The following GSAP variants were observed in gnomAD, a reference collection of about 807,000 sequenced individuals.
GSAP encodes gamma-secretase activating protein, also known as gamma-secretase-activating protein.
In GSAP, 118 loss-of-function variants were observed where a neutral mutation model predicts 131.7. That is an observed-to-expected ratio of 0.90 (90% CI 0.77 to 1.04). The LOEUF (loss-of-function observed/expected upper bound fraction) is 1.04. Among genes scored for constraint, GSAP ranks in the 50% least tolerant of loss-of-function variants. GSAP has a pLI of 0.00. For missense variants in GSAP, 1,019 were observed against 1,013.2 expected (o/e 1.01, Z -0.08); for synonymous variants, 381 against 363.4 (o/e 1.05, Z -0.55).
chr7:77,395,911 G>T (rs1485867036), intron 5 of GSAP, among the ~76,000 whole-genome samples: 1 of 152,238 alleles, frequency 6.6e-6, no homozygotes, highest in Non-Finnish European at 1.5e-5. Flanking sequence ...AATAGTAAGA[G>T]ATTGATAGGA....
At chr7:77,380,627 G>A (rs552946717) in intron 8 of GSAP, among the ~76,000 whole-genome samples, 103 of 152,038 alleles carry the variant, frequency 6.8e-4, no homozygotes, top group African/African-American at 2.3e-3. Flanking sequence ...TAAACCCCTG[G>A]GTGGGTAAGA....
intron 6 of GSAP, among the ~76,000 whole-genome samples, chr7:77,383,544 C>T (rs1180967866): frequency 6.6e-6 from 1 of 152,146 alleles, no homozygotes; most frequent in Non-Finnish European, 1.5e-5. Flanking sequence ...ACGACTGTCA[C>T]CAGGAAGAAA....
chr7:77,383,722 A>C (rs529890037), intron 6 of GSAP, among the ~76,000 whole-genome samples: 1 of 152,286 alleles, frequency 6.6e-6, no homozygotes, highest in East Asian at 1.9e-4. Flanking sequence ...GGCAATTGTA[A>C]ACCAGCCATT....
chr7:77,345,544 G>T (rs963785407), intron 19 of GSAP, among the ~76,000 whole-genome samples: 1 of 152,178 alleles, frequency 6.6e-6, no homozygotes, highest in African/African-American at 2.4e-5. Flanking sequence ...AATCACAAAA[G>T]AAGTGAAAAT....
At chr7:77,372,291 T>C (rs1258406606) in intron 12 of GSAP, among the ~76,000 whole-genome samples, 1 of 152,226 alleles carries the variant, frequency 6.6e-6, no homozygotes, top group African/African-American at 2.4e-5. Context: ...TTGTTGCACA[T>C]GTTAATGCAA....
At chr7:77,416,455 C>G (rs1038174760), upstream of GSAP, 4 of 492,870 alleles carry the variant, frequency 8.1e-6, no homozygotes, top group Non-Finnish European at 1.4e-5. Flanking sequence ...GCTTTCGGTT[C>G]TGCAGCGCCC....
At chr7:77,413,790 G>C (rs780876589) in intron 1 of GSAP, among the ~76,000 whole-genome samples, 3 of 151,950 alleles carry the variant, frequency 2.0e-5, no homozygotes, top group Admixed American at 6.6e-5. Context: ...GCACATAAGA[G>C]ACTTCAAGAG....
At chr7:77,312,482 G>C (rs1340453327) in intron 28 of GSAP, among the ~76,000 whole-genome samples, 1 of 152,178 alleles carries the variant, frequency 6.6e-6, no homozygotes, top group African/African-American at 2.4e-5. Context: ...TTCAAAACCA[G>C]AGATGGGCAT....
intron 14 of GSAP, 140 bp from the exon 15 acceptor site, chr7:77,355,787 G>GTTTTGTTTT: frequency 3.6e-6 from 1 of 274,572 alleles, no homozygotes; most frequent in South Asian, 3.8e-5. Flanking sequence ...ATGACAGCCC[G>GTTTTGTTTT]TTTTTTTTTT....
At chr7:77,317,375 C>A in intron 26 of GSAP, among the ~76,000 whole-genome samples, 1 of 65,488 alleles carries the variant, frequency 1.5e-5, no homozygotes, top group East Asian at 9.3e-4. Context: ...TGGGGCCTGT[C>A]GTGGGGTTGG....
chr7:77,413,542 AT>A (rs1186209691), intron 1 of GSAP, among the ~76,000 whole-genome samples: 3 of 152,224 alleles, frequency 2.0e-5, no homozygotes, highest in Non-Finnish European at 4.4e-5. Flanking sequence ...ATTAATACAA[AT>A]TAATAACCTG....
chr7:77,374,107 G>C lies in GSAP; in HGVS notation c.834C>G (p.Ser278=). 6.3e-7 allele frequency: 1 copy of C among 1,592,632 alleles called. No individual in the cohort carries two copies. The highest frequency in any genetic ancestry group is 8.6e-7 in the Non-Finnish European group (1 of 1,163,770). ...CDYHQYRDKF[S]KHLTLCVFTN... The stretch of plus-strand genomic sequence containing the variant: ...TAAAAACACACAGAGTCAGGTGTTT[G>C]GAAAATTTATCTCGGTATTGATGAT... Residue 278 remains serine, a synonymous_variant, in exon 12 of 31, where the codon TCC becomes TCG. Coordinates refer to ENST00000257626, the MANE Select transcript of GSAP (RefSeq NM_017439.4).
chr7:77,368,828 G>C (rs892927593), intron 12 of GSAP, among the ~76,000 whole-genome samples: 3 of 152,206 alleles, frequency 2.0e-5, no homozygotes, highest in Admixed American at 2.0e-4. Flanking sequence ...TAGTTGCAAA[G>C]AAGTTATATC....
intron 26 of GSAP, among the ~76,000 whole-genome samples, chr7:77,316,598 A>T (rs2150593336): frequency 6.6e-6 from 1 of 152,368 alleles, no homozygotes; most frequent in East Asian, 1.9e-4. Context: ...AAAAAGTTAC[A>T]AAATTATTTC....
chr7:77,333,054 C>T (rs1033993655), intron 19 of GSAP, among the ~76,000 whole-genome samples: 1 of 152,110 alleles, frequency 6.6e-6, no homozygotes, highest in African/African-American at 2.4e-5. Context: ...GTAGTCCCAG[C>T]TACTTGGGAG....
At chr7:77,378,475 G>C (rs573438679) in intron 8 of GSAP, among the ~76,000 whole-genome samples, 3 of 150,546 alleles carry the variant, frequency 2.0e-5, no homozygotes, top group Non-Finnish European at 4.4e-5. Context: ...CAGAGCAAGA[G>C]TCCATCTCAA....
At chr7:77,404,266 A>G (rs1801873278) in intron 3 of GSAP, among the ~76,000 whole-genome samples, 1 of 152,214 alleles carries the variant, frequency 6.6e-6, no homozygotes, top group Non-Finnish European at 1.5e-5. Context: ...CTGCTTTCCC[A>G]CACCGATGAG....
At chr7:77,330,515 C>A in intron 19 of GSAP, 148 bp from the exon 20 acceptor site, 1 of 1,263,416 alleles carries the variant, frequency 7.9e-7, no homozygotes, top group Non-Finnish European at 1.0e-6. Flanking sequence ...ATTCTAGACC[C>A]AATAGGGATT....
intron 18 of GSAP, chr7:77,351,119 A>T: frequency 1.0e-6 from 1 of 977,772 alleles, no homozygotes; most frequent in African/African-American, 1.7e-5. Flanking sequence ...ATGGGGACAG[A>T]GAAATAAGTT....
Sources: allele counts gnomAD v4.1 joint callset (sites outside exome capture counted in the v4.1 genomes callset), GRCh38; gene constraint gnomAD v4.1.1; transcripts MANE v1.5; gene names NCBI Gene and HGNC (gene_info 2026-07-23, HGNC 2026-07-21).